PCSK5: variants seen among roughly 807,000 people sequenced by gnomAD.
PCSK5 encodes prohormone convertase 5.
Under a neutral mutation model 233.2 loss-of-function variants are expected in PCSK5, and 129 were observed. The ratio of observed to expected loss-of-function variants is 0.55; its 90% CI spans 0.48 to 0.64. PCSK5 has a LOEUF of 0.64. Ranked by LOEUF, PCSK5 falls within the 30% of genes least tolerant of loss-of-function variation. The probability of loss-of-function intolerance (pLI) is 0.00; values close to 1 mark genes in which losing one functional copy is unlikely to be tolerated. For synonymous variants in PCSK5, 825 were observed against 879.2 expected (o/e 0.94, Z 1.09); for missense variants, 2,076 against 2,430.1 (o/e 0.85, Z 3.06).
At chr9:76,163,728 A>C (rs1476714054) in intron 12 of PCSK5, among the ~76,000 whole-genome samples, 1 of 152,156 alleles carries the variant, frequency 6.6e-6, no homozygotes, top group Non-Finnish European at 1.5e-5. Context: ...TTTTTAGATG[A>C]GAGCAACTTT....
intron 12 of PCSK5, among the ~76,000 whole-genome samples, chr9:76,161,316 G>A (rs545348929): frequency 6.6e-6 from 1 of 152,166 alleles, no homozygotes; most frequent in Admixed American, 6.5e-5. Flanking sequence ...CAGGCCGCCT[G>A]CAGGGTAATT....
At chr9:76,044,732 C>A (rs1227905853) in intron 5 of PCSK5, among the ~76,000 whole-genome samples, 1 of 152,064 alleles carries the variant, frequency 6.6e-6, no homozygotes, top group Non-Finnish European at 1.5e-5. Context: ...ATTTTTTCAT[C>A]CTGTTACTCC....
chr9:76,037,139 A>C (rs1053005118), intron 5 of PCSK5, among the ~76,000 whole-genome samples: 2 of 152,226 alleles, frequency 1.3e-5, no homozygotes, highest in Non-Finnish European at 2.9e-5. Flanking sequence ...ATGAGACAAG[A>C]CACTGTTCAG....
intron 20 of PCSK5, chr9:76,195,443 G>A (rs777314316): frequency 3.3e-5 from 5 of 152,118 alleles, no homozygotes; most frequent in African/African-American, 7.2e-5. Flanking sequence ...GTCTACCAGC[G>A]TGCATTCCAT....
At chr9:76,293,056 G>GA (rs1828326123) in intron 25 of PCSK5, among the ~76,000 whole-genome samples, 1 of 152,190 alleles carries the variant, frequency 6.6e-6, no homozygotes. Context: ...GAAGCTCAGA[G>GA]AGGGGCAAGG....
intron 12 of PCSK5, among the ~76,000 whole-genome samples, chr9:76,159,621 T>C (rs1363232049): frequency 6.6e-6 from 1 of 152,190 alleles, no homozygotes; most frequent in Non-Finnish European, 1.5e-5. Flanking sequence ...ACAATAAATG[T>C]GTTGAGCTGT....
In PCSK5 at chr9:76,188,695, T is replaced by C. The variant is rs745770267; in HGVS notation, c.2380+20T>C. The C allele has an allele frequency of 3.5e-5, 55 of 1,578,466 alleles. No homozygotes were observed. Among genetic ancestry groups the C allele is most frequent in the Non-Finnish European group, 4.5e-5 (52 of 1,148,148 alleles). The stretch of plus-strand genomic sequence containing the variant: ...GTGCTGGTACCTTCCCTAGTTCTTT[T>C]GTTTATTCTCCCGGTTCTGGTTTTG... On this transcript the variant is annotated intron_variant, in intron 18 of 37. Coordinates refer to ENST00000674117, the MANE Select transcript of PCSK5 (RefSeq NM_001372043.1).
rs1829363877 is a variant in PCSK5, at chr9:76,046,155, C to CTTTTG, written c.632+19123_632+19127dup. 1.6e-4 allele frequency among the ~76,000 whole-genome samples: 9 copies of CTTTTG among 55,710 alleles called. No homozygotes were observed. The East Asian group carries it at 1.6e-3, about 10-fold the overall frequency. The allele number at this position is 55,710 out of a possible 152,430, so 36.5% of individuals were successfully genotyped here. On this transcript the variant is annotated intron_variant, in intron 5 of 37. Coordinates refer to ENST00000674117, the MANE Select transcript of PCSK5 (RefSeq NM_001372043.1). Reference sequence around the variant, plus strand: ...TAGTAGCATTAACACATAATTTTTTCTTTTGTTTTTTTTTTTTTTTTTTTT... The same window carrying CTTTTG: ...TAGTAGCATTAACACATAATTTTTTCTTTTGTTTTGTTTTTTTTTTTTTTTTTTTT...
In PCSK5 at chr9:76,361,006, T is replaced by C. The variant is rs1830422916; in HGVS notation, c.*2084T>C. 6.6e-6 allele frequency: 1 copy of C among 152,220 alleles called. No individual in the cohort carries two copies. The highest frequency in any genetic ancestry group is 1.5e-5 in the Non-Finnish European group (1 of 68,040). The allele number at this position is 152,220 out of a possible 1,614,324, so 9.4% of individuals were successfully genotyped here. A position where few individuals can be genotyped will look rare whatever the true frequency, so the allele number is the denominator to read the frequency against. On this transcript the variant is annotated 3_prime_UTR_variant, in exon 38 of 38. Coordinates refer to ENST00000674117, the MANE Select transcript of PCSK5 (RefSeq NM_001372043.1). ...TCTTTAAAACAGTTTTCAGAGATCATACATGTACATGTATGATATGCCTCC... is the reference window on the plus strand; with the variant it reads ...TCTTTAAAACAGTTTTCAGAGATCACACATGTACATGTATGATATGCCTCC...
chr9:76,269,019 A>G (rs997713054), intron 24 of PCSK5, among the ~76,000 whole-genome samples: 2 of 152,192 alleles, frequency 1.3e-5, no homozygotes, highest in Non-Finnish European at 2.9e-5. Flanking sequence ...GGTGAAATTC[A>G]TATCTACAAG....
intron 7 of PCSK5, among the ~76,000 whole-genome samples, chr9:76,091,379 T>C (rs1231571831): frequency 1.3e-5 from 2 of 152,026 alleles, no homozygotes; most frequent in African/African-American, 4.8e-5. Flanking sequence ...TCTTCCTCTG[T>C]TTATAAGGAC....
chr9:76,131,480 T>C (rs1822759283), intron 9 of PCSK5, among the ~76,000 whole-genome samples: 1 of 152,110 alleles, frequency 6.6e-6, no homozygotes, highest in African/African-American at 2.4e-5. Flanking sequence ...AAACACCTTC[T>C]TTTTCCATGT....
At chr9:76,052,627 G>C (rs1394085838) in intron 5 of PCSK5, among the ~76,000 whole-genome samples, 1 of 152,024 alleles carries the variant, frequency 6.6e-6, no homozygotes, top group East Asian at 1.9e-4. Context: ...ATTTGGGTGG[G>C]GACACAGCCA....
At chr9:75,903,442 ATTGAACCTAGTTAAGAT>A in intron 1 of PCSK5, among the ~76,000 whole-genome samples, 1 of 151,464 alleles carries the variant, frequency 6.6e-6, no homozygotes, top group Non-Finnish European at 1.5e-5. Flanking sequence ...CCATGCCAGC[ATTGAACCTAGTTAAGAT>A]TTGAACCTAG....
At chr9:76,044,990 A>G (rs1390428054) in intron 5 of PCSK5, among the ~76,000 whole-genome samples, 1 of 152,356 alleles carries the variant, frequency 6.6e-6, no homozygotes, top group East Asian at 1.9e-4. Flanking sequence ...TCGCAAAAAC[A>G]GATCACAGTC....
At chr9:76,020,324 A>G (rs751299350) in intron 3 of PCSK5, among the ~76,000 whole-genome samples, 5 of 152,220 alleles carry the variant, frequency 3.3e-5, no homozygotes, top group Non-Finnish European at 7.3e-5. Flanking sequence ...AGTATTTCCC[A>G]TAGCCTTTGG....
chr9:76,069,457 T>A (rs1286392645), intron 6 of PCSK5, among the ~76,000 whole-genome samples: 1 of 145,328 alleles, frequency 6.9e-6, no homozygotes. Flanking sequence ...GAACCTTATT[T>A]AAAAAAAAAA....
At chr9:76,213,965 G>C (rs889025571) in intron 20 of PCSK5, among the ~76,000 whole-genome samples, 4 of 152,078 alleles carry the variant, frequency 2.6e-5, no homozygotes, top group Non-Finnish European at 4.4e-5. Flanking sequence ...CAAAAAAATG[G>C]AATGAATTCC....
At chr9:76,122,163 G>A (rs999605535) in intron 9 of PCSK5, among the ~76,000 whole-genome samples, 2 of 151,820 alleles carry the variant, frequency 1.3e-5, no homozygotes, top group Non-Finnish European at 2.9e-5. Context: ...ATTTATTAGT[G>A]TTTTCTTCTT....
Sources: gnomAD v4.1 joint callset for allele counts (sites outside exome capture counted in the v4.1 genomes callset) on GRCh38, gnomAD v4.1.1 for gene constraint, MANE v1.5 for transcripts, NCBI Gene and HGNC (gene_info 2026-07-23, HGNC 2026-07-21) for gene names.